Variants in SHB observed in about 807,000 individuals in gnomAD.
The protein encoded by SHB is SH2 domain-containing adapter protein B.
A neutral mutation model predicts 52.3 loss-of-function variants in SHB; 20 were observed. That is an observed-to-expected ratio of 0.38 (90% CI 0.27 to 0.56). SHB has a LOEUF of 0.56. Among genes scored for constraint, SHB ranks in the 20% least tolerant of loss-of-function variants. The pLI, the probability that SHB is intolerant of heterozygous loss-of-function variation, is 0.71. For missense variants in SHB, 825 were observed against 723.3 expected, an observed-to-expected ratio of 1.14 and a Z score of -1.61; for synonymous variants, 397 against 316.5, an observed-to-expected ratio of 1.25 and a Z score of -2.70.
intron 2 of SHB, among the ~76,000 whole-genome samples, chr9:38,002,160 G>C (rs1488689652): frequency 6.6e-6 from 1 of 152,136 alleles, no homozygotes; most frequent in East Asian, 1.9e-4. Flanking sequence ...CTGCCTCCAG[G>C]GTTGTTCTGA....
intron 1 of SHB, among the ~76,000 whole-genome samples, chr9:38,058,884 G>A (rs995751874): frequency 6.6e-6 from 1 of 152,112 alleles, no homozygotes; most frequent in Non-Finnish European, 1.5e-5. Flanking sequence ...GGCCCTCTCT[G>A]AGCACCCACA....
chr9:37,971,299 C>T (rs185846621), intron 3 of SHB, among the ~76,000 whole-genome samples: 1 of 152,334 alleles, frequency 6.6e-6, no homozygotes, highest in South Asian at 2.1e-4. Context: ...CGGGAAGCTG[C>T]ACTTCTGGTT....
chr9:37,918,082 G>A lies in SHB; in HGVS notation c.*1739C>T, dbSNP rs547751485. Among the ~76,000 whole-genome samples the A allele has an allele frequency of 6.6e-6, 1 of 152,250 alleles. No individual in the cohort carries two copies. The highest frequency in any genetic ancestry group is 1.5e-5 in the Non-Finnish European group (1 of 68,048). On this transcript the variant is annotated 3_prime_UTR_variant, in exon 6 of 6. Transcript: ENST00000377707. ...CTCCAAACAGTCTCTAAAGACATGA[G>A]CAGCGCTGATGTCTGAACCTGCTGA...
rs545216333 is a variant in SHB at position 37,916,160 on chromosome 9, G to A, written c.*3661C>T. ...TTCTGGGAGGTGCGCCCACATCTAA[G>A]ACTGTGCGCCCTGCACTCCCTCTGG... On this transcript the variant is annotated 3_prime_UTR_variant, in exon 6 of 6. Coordinates refer to ENST00000377707, the MANE Select transcript of SHB (RefSeq NM_003028.3). 1.3e-5 allele frequency among the ~76,000 whole-genome samples: 2 copies of A among 152,376 alleles called. No homozygotes were observed. Among genetic ancestry groups the A allele is most frequent in the South Asian group, 4.1e-4 (2 of 4,834 alleles).
chr9:38,003,363 G>A (rs147231289), intron 2 of SHB, among the ~76,000 whole-genome samples: 2,101 of 151,904 alleles, frequency 0.014, 20 homozygotes, highest in African/African-American at 0.029. Flanking sequence ...CATGCCCCTC[G>A]CTGCAACCGC....
At chr9:37,944,150 T>C (rs1410791727) in intron 5 of SHB, among the ~76,000 whole-genome samples, 1 of 152,068 alleles carries the variant, frequency 6.6e-6, no homozygotes, top group East Asian at 1.9e-4. Flanking sequence ...TCAAGGGCAA[T>C]CAGGCAGAAT....
intron 3 of SHB, among the ~76,000 whole-genome samples, 183 bp downstream of exon 3, chr9:37,974,439 G>T (rs1820627777): frequency 6.6e-6 from 1 of 152,044 alleles, no homozygotes. Context: ...TCCTCGGCCT[G>T]GTTTCCCTAC....
rs201949523 is a variant in SHB, at chr9:37,990,108, A to AT, written c.839-15272dup. Among the ~76,000 whole-genome samples, 61 of 152,314 alleles carry AT rather than the reference A, an allele frequency of 4.0e-4. 1 individual carries two copies. The East Asian group carries it at 0.011, about 26-fold the overall frequency. ...AGAACACGAGACTGGAGGCACCTTG[A>AT]TTGAGTAGAGATGGCCTCATCTCCC... On this transcript the variant is annotated intron_variant, in intron 2 of 5. Coordinates refer to ENST00000377707, the MANE Select transcript of SHB (RefSeq NM_003028.3).
At chr9:37,996,020 C>T (rs1051699762) in intron 2 of SHB, among the ~76,000 whole-genome samples, 1 of 152,192 alleles carries the variant, frequency 6.6e-6, no homozygotes, top group Admixed American at 6.5e-5. Context: ...CCAGAAAGCT[C>T]CCACTGTTTA....
intron 1 of SHB, among the ~76,000 whole-genome samples, chr9:38,032,362 C>T (rs1821426659): frequency 6.6e-6 from 1 of 152,242 alleles, no homozygotes; most frequent in Non-Finnish European, 1.5e-5. Flanking sequence ...CCCCAAAGCT[C>T]TGGCTCTCCT....
chr9:38,017,593 C>A (rs1047553474), intron 1 of SHB, among the ~76,000 whole-genome samples: 3 of 152,208 alleles, frequency 2.0e-5, no homozygotes, highest in Non-Finnish European at 4.4e-5. Context: ...GCGGTCACTG[C>A]TCCCCAAACA....
At chr9:37,974,541 G>C in intron 3 of SHB, 81 bp downstream of exon 3, 1 of 1,204,234 alleles carries the variant, frequency 8.3e-7, no homozygotes, top group Middle Eastern at 2.8e-4. Context: ...CCTGGAGTTT[G>C]TCCTGAGCGC....
At chr9:38,054,844 G>A (rs1821795077) in intron 1 of SHB, among the ~76,000 whole-genome samples, 1 of 152,132 alleles carries the variant, frequency 6.6e-6, no homozygotes, top group South Asian at 2.1e-4. Flanking sequence ...TAAAAAAAAA[G>A]TCAACCCCAG....
chr9:38,041,200 A>G (rs1220229056), intron 1 of SHB, among the ~76,000 whole-genome samples: 1 of 152,234 alleles, frequency 6.6e-6, no homozygotes, highest in African/African-American at 2.4e-5. Context: ...TGATACCCAG[A>G]AAGCCCTTTT....
intron 5 of SHB, among the ~76,000 whole-genome samples, chr9:37,942,943 C>A (rs760905277): frequency 5.3e-5 from 8 of 152,128 alleles, no homozygotes; most frequent in Non-Finnish European, 1.2e-4. Context: ...AAGCTGGCAT[C>A]CCTCCTCGCC....
intron 1 of SHB, among the ~76,000 whole-genome samples, chr9:38,044,397 A>T (rs1821620772): frequency 6.6e-6 from 1 of 152,198 alleles, no homozygotes; most frequent in African/African-American, 2.4e-5. Flanking sequence ...CATCTATAAG[A>T]CGTTTACTAA....
At chr9:37,979,936 A>C (rs1820703899) in intron 2 of SHB, among the ~76,000 whole-genome samples, 1 of 152,228 alleles carries the variant, frequency 6.6e-6, no homozygotes, top group African/African-American at 2.4e-5. Flanking sequence ...GTAGAACCTT[A>C]ATTTTAAAAA....
At chr9:37,925,106 T>C (rs1422074637) in intron 5 of SHB, among the ~76,000 whole-genome samples, 2 of 152,190 alleles carry the variant, frequency 1.3e-5, no homozygotes, top group Non-Finnish European at 2.9e-5. Flanking sequence ...TGGGGCACTG[T>C]GCCCATCACC....
chr9:37,946,784 G>A (rs1274486624), intron 5 of SHB, among the ~76,000 whole-genome samples: 1 of 152,214 alleles, frequency 6.6e-6, no homozygotes, highest in Non-Finnish European at 1.5e-5. Flanking sequence ...CAGGAGGAAT[G>A]AGGTTCACTG....
Sources: gnomAD v4.1 joint callset for allele counts (sites outside exome capture counted in the v4.1 genomes callset) on GRCh38, gnomAD v4.1.1 for gene constraint, MANE v1.5 for transcripts, NCBI Gene and HGNC (gene_info 2026-07-23, HGNC 2026-07-21) for gene names.